WNK1: variants seen among roughly 807,000 people sequenced by gnomAD.
The protein encoded by WNK1 is serine/threonine-protein kinase WNK1.
WNK1 carries 38 observed loss-of-function variants against 222.8 expected under a neutral mutation model. The ratio of observed to expected loss-of-function variants is 0.17; its 90% CI spans 0.13 to 0.22. The LOEUF (loss-of-function observed/expected upper bound fraction) is 0.22, where lower values mean the gene tolerates loss of function less well. Among genes scored for constraint, WNK1 ranks in the 10% least tolerant of loss-of-function variants. WNK1 has a pLI of 1.00. For missense variants in WNK1, 2,348 were observed against 2,918.4 expected (o/e 0.80, Z 4.50); for synonymous variants, 1,090 against 1,092.9 (o/e 1.00, Z 0.05).
rs1022230422 is a variant in WNK1, at chr12:827,679, T to G, written c.1153+417T>G. Among the ~76,000 whole-genome samples the G allele has an allele frequency of 6.6e-6, 1 of 151,936 alleles. No homozygotes were observed. Among genetic ancestry groups the G allele is most frequent in the Non-Finnish European group, 1.5e-5 (1 of 67,948 alleles). ...GAGTAGCTGGGATTACAGGCATGCA[T>G]CACCATGCCTGGCTAATTTTTGTAT... On this transcript the variant is annotated intron_variant, in intron 3 of 27. Transcript: ENST00000315939. This position sits in a 1 kb window ranked among gnomAD's most constrained non-coding sequence, Gnocchi z 4.6.
intron 5 of WNK1, among the ~76,000 whole-genome samples, chr12:857,844 C>T (rs1389864669): frequency 2.0e-5 from 3 of 152,136 alleles, no homozygotes; most frequent in Non-Finnish European, 4.4e-5. Context: ...TCAGGCATGG[C>T]GAAGGTCCAG....
intron 26 of WNK1, chr12:904,384 G>A: frequency 4.1e-6 from 5 of 1,226,544 alleles, no homozygotes; most frequent in Non-Finnish European, 5.4e-6. Flanking sequence ...TGTGCTGTTT[G>A]GAGATTCTAA....
In WNK1 at chr12:880,886, G is replaced by A. The variant is rs1953092927; in HGVS notation, c.2998G>A (p.Glu1000Lys). 6.2e-7 allele frequency: 1 copy of A among 1,614,128 alleles called. No homozygotes were observed. Among genetic ancestry groups the A allele is most frequent in the Non-Finnish European group, 8.5e-7 (1 of 1,180,016 alleles). ...YFPTVVQPYV[E>K]SNLLVPMGGV... is the part of the protein sequence containing the mutation. Reference sequence around the variant, plus strand: ...TCCCACAGTGGTGCAGCCTTATGTGGAATCAAATCTTTTAGTTCCTATGGG... The same window carrying A: ...TCCCACAGTGGTGCAGCCTTATGTGAAATCAAATCTTTTAGTTCCTATGGG... The change falls in exon 12 of 28, where the codon GAA becomes AAA. Residue 1000 changes from glutamate (E) to lysine (K), a missense_variant. Transcript: ENST00000315939.
chr12:870,304 A>G (rs965479945), intron 8 of WNK1, among the ~76,000 whole-genome samples: 1 of 152,320 alleles, frequency 6.6e-6, no homozygotes, highest in South Asian at 2.1e-4. Context: ...ATAAATATTA[A>G]TGTATTGCCA....
chr12:897,769 T>C, intron 25 of WNK1, 88 bp downstream of exon 25: 1 of 1,395,098 alleles, frequency 7.2e-7, no homozygotes, highest in South Asian at 1.2e-5. Context: ...CATTTGTTGT[T>C]TTTGTTAAAT....
chr12:765,409 G>C lies in WNK1; in HGVS notation c.759+11085G>C. Among the ~76,000 whole-genome samples, 2 of 147,064 alleles carry C rather than the reference G, an allele frequency of 1.4e-5. 1 individual carries two copies. The highest frequency in any genetic ancestry group is 3.0e-5 in the Non-Finnish European group (2 of 65,928). ...AAAAATTAAAAAATTAGCTGGGCCT[G>C]GTGGTGTGCATCTGTAACCCCAGCT... On this transcript the variant is annotated intron_variant, in intron 1 of 27. Transcript: ENST00000315939.
At chr12:892,291 A>C (rs1479194697) in intron 22 of WNK1, among the ~76,000 whole-genome samples, 1 of 151,928 alleles carries the variant, frequency 6.6e-6, no homozygotes, top group Non-Finnish European at 1.5e-5. Context: ...GTAAAGGGCG[A>C]GATGGTACAA....
intron 1 of WNK1, among the ~76,000 whole-genome samples, chr12:769,379 A>G (rs1044364185): frequency 3.3e-5 from 5 of 151,766 alleles, no homozygotes; most frequent in African/African-American, 1.2e-4. Flanking sequence ...TTGTATTTTT[A>G]GTAGAGACAG....
At chr12:891,637 GTAA>G (rs1046836807) in intron 22 of WNK1, among the ~76,000 whole-genome samples, 2 of 138,990 alleles carry the variant, frequency 1.4e-5, no homozygotes, top group African/African-American at 2.7e-5. Context: ...TAATTTATTA[GTAA>G]TAACAACTTG....
At chr12:756,635 A>AT (rs1328068570) in intron 1 of WNK1, among the ~76,000 whole-genome samples, 3 of 152,222 alleles carry the variant, frequency 2.0e-5, no homozygotes, top group African/African-American at 7.2e-5. Flanking sequence ...AAAATCCTTT[A>AT]TAGCAGTAGT....
intron 26 of WNK1, chr12:904,346 C>T: frequency 1.2e-6 from 1 of 851,362 alleles, no homozygotes; most frequent in South Asian, 1.4e-5. Context: ...ATCTGTCTCA[C>T]CTCCTGCTTT....
At chr12:858,752 A>C (rs1950973998) in intron 5 of WNK1, among the ~76,000 whole-genome samples, 1 of 152,166 alleles carries the variant, frequency 6.6e-6, no homozygotes, top group South Asian at 2.1e-4. Context: ...CTGGGCCTCC[A>C]TTTCCTAATA....
intron 8 of WNK1, chr12:867,728 A>G (rs1852652820): frequency 1.0e-6 from 1 of 971,008 alleles, no homozygotes; most frequent in South Asian, 1.6e-5. Context: ...TAATTTCCAG[A>G]AGCATTGTTA....
Position 883,436 on chromosome 12 carries a change from T to C in WNK1, c.3531T>C (p.Phe1177=), listed in dbSNP as rs914391223. 8 of 1,614,130 alleles carry C rather than the reference T, an allele frequency of 5.0e-6. No homozygotes were observed. The highest frequency in any genetic ancestry group is 6.8e-6 in the Non-Finnish European group (8 of 1,179,988). ...DFILAIERES[F]VDQVREIIEK... is the part of the protein sequence containing the mutation. ...TTCTAGCAATAGAGAGAGAGTCGTT[T>C]GTGGATCAAGTGCGAGAAATTATTG... The change falls in exon 16 of 28, where the codon TTT becomes TTC. Residue 1177 remains phenylalanine (F), a synonymous_variant. Coordinates refer to ENST00000315939, the MANE Select transcript of WNK1 (RefSeq NM_018979.4).
chr12:786,716 C>T (rs985739819), intron 1 of WNK1, among the ~76,000 whole-genome samples: 1 of 152,186 alleles, frequency 6.6e-6, no homozygotes, highest in Non-Finnish European at 1.5e-5. Context: ...ATCCACCCAC[C>T]TTGGCCTCCC....
chr12:756,915 G>C (rs546971200), intron 1 of WNK1, among the ~76,000 whole-genome samples: 60 of 152,278 alleles, frequency 3.9e-4, no homozygotes, highest in African/African-American at 1.1e-3. Flanking sequence ...AGGTTATTCT[G>C]CCCAGCTATT....
At chr12:836,012 G>C (rs977403083) in intron 4 of WNK1, among the ~76,000 whole-genome samples, 1 of 152,248 alleles carries the variant, frequency 6.6e-6, no homozygotes, top group South Asian at 2.1e-4. Flanking sequence ...GAATAGATGG[G>C]AGATAAAGGG....
rs754965199 is a variant in WNK1, at chr12:896,460, T to C, written c.5973T>C (p.Ala1991=). Residue 1991 remains alanine, a synonymous_variant, in exon 24 of 28, where the codon GCT becomes GCC. Transcript: ENST00000315939. ...FMDLEQAVLP[A]VIPKKEKPEL... is the part of the protein sequence containing the mutation. Reference sequence around the variant, plus strand: ...ATTTGGAACAAGCTGTTCTTCCTGCTGTGATACCAAAGAAAGAGAAGCCTG... The same window carrying C: ...ATTTGGAACAAGCTGTTCTTCCTGCCGTGATACCAAAGAAAGAGAAGCCTG... 3 of 1,613,872 alleles carry C rather than the reference T, an allele frequency of 1.9e-6. No individual in the cohort carries two copies. Among genetic ancestry groups the C allele is most frequent in the East Asian group, 4.5e-5 (2 of 44,884 alleles).
intron 13 of WNK1, 60 bp downstream of exon 13, chr12:881,849 A>C (rs1953194096): frequency 9.3e-6 from 15 of 1,613,608 alleles, no homozygotes; most frequent in Non-Finnish European, 1.1e-5. Flanking sequence ...GAAACGCCAA[A>C]CTGTCAGACC....
Sources: allele counts gnomAD v4.1 joint callset (sites outside exome capture counted in the v4.1 genomes callset), GRCh38; gene constraint gnomAD v4.1.1; non-coding constraint Gnocchi (gnomAD v3.1); transcripts MANE v1.5; gene names NCBI Gene and HGNC (gene_info 2026-07-23, HGNC 2026-07-21).